Variants in KANK1 observed in about 807,000 individuals in gnomAD.
KANK1 encodes the protein KN motif and ankyrin repeat domains 1, also known as KN motif and ankyrin repeat domain-containing protein 1.
KANK1 carries 109 observed loss-of-function variants against 106.2 expected under a neutral mutation model. The ratio of observed to expected loss-of-function variants is 1.03; its 90% CI spans 0.88 to 1.20. The LOEUF is 1.20. KANK1 is among the 50% of genes most tolerant of loss of function. KANK1 has a pLI of 0.00. For missense variants in KANK1, 2,399 were observed against 1,710.7 expected (o/e 1.40, Z -7.10); for synonymous variants, 873 against 652.2 (o/e 1.34, Z -5.16).
chr9:743,654 C>T (rs879664522), intron 10 of KANK1, among the ~76,000 whole-genome samples: 1 of 151,938 alleles, frequency 6.6e-6, no homozygotes, highest in Non-Finnish European at 1.5e-5. Context: ...CGCTCGAGCC[C>T]AGGAGTTCAA....
intron 1 of KANK1, among the ~76,000 whole-genome samples, chr9:591,015 C>A (rs1471532026): frequency 1.3e-5 from 2 of 151,604 alleles, no homozygotes; most frequent in Non-Finnish European, 2.9e-5. Flanking sequence ...AACAAACAAA[C>A]AAAAAAACCT....
intron 1 of KANK1, among the ~76,000 whole-genome samples, chr9:633,177 A>G (rs1836193537): frequency 1.3e-5 from 2 of 151,266 alleles, no homozygotes; most frequent in Admixed American, 6.6e-5. Context: ...CCAACCCTTG[A>G]CCGGGCGCAG....
At chr9:476,776 G>C (rs1274065355) in intron 3 of KANK1, 2 of 152,154 alleles carry the variant, frequency 1.3e-5, no homozygotes, top group African/African-American at 2.4e-5. Context: ...GCCATTTATT[G>C]AGCAGTGTGT....
At chr9:491,275 CTT>C (rs997066061) in intron 3 of KANK1, among the ~76,000 whole-genome samples, 3 of 143,358 alleles carry the variant, frequency 2.1e-5, no homozygotes, top group African/African-American at 5.1e-5. Flanking sequence ...AGTGCATTTT[CTT>C]TTTTTTTTTT....
In KANK1 at chr9:643,694, T is replaced by C. The variant is rs1839014044; in HGVS notation, c.-83-33196T>C. The stretch of plus-strand genomic sequence containing the variant: ...TGTGCCTAGCATTGATTTGTGGGGG[T>C]TTTTTGTTTTTTTTGGGTTTTTTTT... On this transcript the variant is annotated intron_variant, in intron 1 of 11. Coordinates refer to ENST00000382297, the MANE Select transcript of KANK1 (RefSeq NM_015158.5). Among the ~76,000 whole-genome samples, 2 of 148,212 alleles carry C rather than the reference T, an allele frequency of 1.3e-5. 1 individual carries two copies. The highest frequency in any genetic ancestry group is 5.2e-5 in the African/African-American group (2 of 38,776).
chr9:732,289 G>C, intron 5 of KANK1, 89 bp from the exon 6 acceptor site: 5 of 1,462,410 alleles, frequency 3.4e-6, no homozygotes, highest in Non-Finnish European at 3.7e-6. Flanking sequence ...AATTTCTGGA[G>C]TCAATTAGCA....
At position 734,786 on chromosome 9, in the gene KANK1, T is replaced by C; in HGVS notation, c.3284T>C (p.Leu1095Ser). ...LSEKMLSACNLLKNTINDPKA... is the reference protein window; with the variant it reads ...LSEKMLSACNSLKNTINDPKA... ...GAAAAGATGTTGTCTGCATGCAACT[T>C]ACTGAAAAATACTATAAATGACCCC... Residue 1095 changes from leucine (L) to serine (S), a missense_variant, in exon 7 of 12, where the codon TTA becomes TCA. Coordinates refer to ENST00000382297, the MANE Select transcript of KANK1 (RefSeq NM_015158.5). 1 of 1,613,904 alleles carries C rather than the reference T, an allele frequency of 6.2e-7. No homozygotes were observed. The highest frequency in any genetic ancestry group is 8.5e-7 in the Non-Finnish European group (1 of 1,179,730).
intron 3 of KANK1, among the ~76,000 whole-genome samples, chr9:473,643 G>T (rs1054229500): frequency 2.0e-5 from 3 of 152,124 alleles, no homozygotes; most frequent in South Asian, 2.1e-4. Context: ...CAAACCACAG[G>T]CACCTGTGAT....
chr9:493,483 G>A (rs1377422412), intron 3 of KANK1, among the ~76,000 whole-genome samples: 1 of 151,588 alleles, frequency 6.6e-6, no homozygotes. Flanking sequence ...GCAGCTCACT[G>A]GATGGTTCTC....
At chr9:626,989 G>C (rs1834508334) in intron 1 of KANK1, among the ~76,000 whole-genome samples, 1 of 152,176 alleles carries the variant, frequency 6.6e-6, no homozygotes, top group South Asian at 2.1e-4. Context: ...GTTCTGTGTA[G>C]CTATTTTGGT....
chr9:697,108 G>T (rs1394883214), intron 2 of KANK1, among the ~76,000 whole-genome samples: 3 of 151,728 alleles, frequency 2.0e-5, no homozygotes, highest in African/African-American at 7.3e-5. Context: ...GTGTGTGTCT[G>T]TGTGTAGAAA....
At chr9:707,316 G>T (rs1279835007) in intron 2 of KANK1, 6 of 842,034 alleles carry the variant, frequency 7.1e-6, no homozygotes, top group South Asian at 5.4e-5. Flanking sequence ...GGCGAGGGGG[G>T]CCGGCCGGGA....
intron 1 of KANK1, among the ~76,000 whole-genome samples, chr9:581,494 A>G (rs1563806142): frequency 1.4e-5 from 2 of 146,144 alleles, no homozygotes; most frequent in Non-Finnish European, 3.0e-5. Context: ...AACTAAGAAA[A>G]TACATAGGTT....
At chr9:483,216 T>C (rs1464775259) in intron 3 of KANK1, among the ~76,000 whole-genome samples, 1 of 152,056 alleles carries the variant, frequency 6.6e-6, no homozygotes, top group Non-Finnish European at 1.5e-5. Context: ...GTACAATCCA[T>C]GGTTTTGGGC....
In KANK1 at chr9:693,684, T is replaced by C. The variant is rs1259366018; in HGVS notation, c.37+16675T>C. The C allele has an allele frequency of 3.0e-6, 3 of 985,278 alleles. No individual in the cohort carries two copies. In the African/African-American group the frequency reaches 5.2e-5, roughly 17 times the overall value. 61.0% of individuals were successfully genotyped at this position (985,278 alleles called of 1,614,324 possible). On this transcript the variant is annotated intron_variant, in intron 2 of 11. Coordinates refer to ENST00000382297, the MANE Select transcript of KANK1 (RefSeq NM_015158.5). ...AAATTCTCTGCAACAGCTCCTGGGCTCTTTGCCTGCTAATGTGTGGAGTCC... is the reference window on the plus strand; with the variant it reads ...AAATTCTCTGCAACAGCTCCTGGGCCCTTTGCCTGCTAATGTGTGGAGTCC...
intron 1 of KANK1, among the ~76,000 whole-genome samples, chr9:663,074 C>T (rs1325946998): frequency 2.0e-5 from 3 of 152,128 alleles, no homozygotes; most frequent in African/African-American, 7.2e-5. Flanking sequence ...TTGTCATTAA[C>T]AATATTCATC....
chr9:745,116 C>T (rs554105397), intron 11 of KANK1, 57 bp from the exon 12 acceptor site: 2 of 1,600,338 alleles, frequency 1.2e-6, no homozygotes, highest in East Asian at 2.2e-5. Context: ...TCACAGGGTA[C>T]ACATCTGCCT....
At chr9:631,023 G>A (rs1222960222) in intron 1 of KANK1, among the ~76,000 whole-genome samples, 1 of 152,178 alleles carries the variant, frequency 6.6e-6, no homozygotes, top group African/African-American at 2.4e-5. Context: ...AAAAGGCCAA[G>A]TGAGGGTATG....
At chr9:635,773 AC>A (rs1408664705) in intron 1 of KANK1, among the ~76,000 whole-genome samples, 1 of 126,970 alleles carries the variant, frequency 7.9e-6, no homozygotes. Context: ...ATCTCAGCTC[AC>A]TGCAACCTCT....
Sources: allele counts gnomAD v4.1 joint callset (sites outside exome capture counted in the v4.1 genomes callset), GRCh38; gene constraint gnomAD v4.1.1; transcripts MANE v1.5; gene names NCBI Gene and HGNC (gene_info 2026-07-23, HGNC 2026-07-21).